The following AGBL4 variants were observed in gnomAD, a reference collection of about 807,000 sequenced individuals.
The protein encoded by AGBL4 is cytosolic carboxypeptidase 6.
AGBL4 carries 58 observed loss-of-function variants against 66.4 expected under a neutral mutation model. The observed-to-expected ratio is 0.87, with a 90% confidence interval of 0.71 to 1.09. The LOEUF (loss-of-function observed/expected upper bound fraction) is 1.09, where lower values mean the gene tolerates loss of function less well. Among genes scored for constraint, AGBL4 ranks in the 50% least tolerant of loss-of-function variants. The probability of loss-of-function intolerance (pLI) is 0.00; values close to 1 mark genes in which losing one functional copy is unlikely to be tolerated. For missense variants in AGBL4, 579 were observed against 631.0 expected, an observed-to-expected ratio of 0.92 and a Z score of 0.88; for synonymous variants, 234 against 222.9, an observed-to-expected ratio of 1.05 and a Z score of -0.44.
the AGBL4 span, among the ~76,000 whole-genome samples, chr1:48,524,203 C>T: frequency 6.6e-6 from 1 of 150,538 alleles, no homozygotes; most frequent in South Asian, 2.1e-4. Context: ...GGAATTTCAG[C>T]TCCAGGAGCA....
chr1:49,302,409 C>T (rs1644762043), intron 3 of AGBL4, among the ~76,000 whole-genome samples: 1 of 151,558 alleles, frequency 6.6e-6, no homozygotes, highest in Non-Finnish European at 1.5e-5. Context: ...TACACCACCA[C>T]ACCCAGCTAA....
intron 4 of AGBL4, among the ~76,000 whole-genome samples, chr1:49,231,924 A>G (rs184873471): frequency 6.6e-6 from 1 of 152,314 alleles, no homozygotes; most frequent in Non-Finnish European, 1.5e-5. Flanking sequence ...TTGCACAACT[A>G]TAGGCTTTTG....
intron 3 of AGBL4, among the ~76,000 whole-genome samples, chr1:49,300,631 T>C (rs534827155): frequency 1.5e-4 from 23 of 152,294 alleles, no homozygotes; most frequent in Admixed American, 7.2e-4. Flanking sequence ...TCACCCCTTC[T>C]GAACCCCCTT....
At chr1:49,615,183 T>A (rs115319323) in intron 3 of AGBL4, among the ~76,000 whole-genome samples, 1 of 152,048 alleles carries the variant, frequency 6.6e-6, no homozygotes, top group Non-Finnish European at 1.5e-5. Context: ...TAAACCTACA[T>A]AGAAGTTTGG....
chr1:49,318,538 C>G (rs1272744395), intron 3 of AGBL4, among the ~76,000 whole-genome samples: 2 of 151,922 alleles, frequency 1.3e-5, no homozygotes, highest in Admixed American at 6.6e-5. Flanking sequence ...GGGTAGGAAA[C>G]TGAGGCAGAT....
chr1:48,589,196 A>C (rs1045912385), intron 10 of AGBL4, among the ~76,000 whole-genome samples: 1 of 152,142 alleles, frequency 6.6e-6, no homozygotes, highest in Non-Finnish European at 1.5e-5. Flanking sequence ...TCTATCATTA[A>C]ATGCTGGGTG....
At chr1:49,437,416 GC>G (rs1251200270) in intron 3 of AGBL4, among the ~76,000 whole-genome samples, 1 of 152,048 alleles carries the variant, frequency 6.6e-6, no homozygotes, top group Non-Finnish European at 1.5e-5. Flanking sequence ...AATACCCCAA[GC>G]TTTTCTAAGT....
At chr1:49,620,742 C>T (rs7540606) in intron 3 of AGBL4, among the ~76,000 whole-genome samples, 14,331 of 152,130 alleles carry the variant, frequency 0.094, 904 homozygotes, top group African/African-American at 0.17. Flanking sequence ...ATAAATCACC[C>T]AGTCAAGTGC....
rs1366713698 is a variant in AGBL4, at chr1:48,867,991, T to C, written c.595-761A>G. On this transcript the variant is annotated intron_variant, in intron 5 of 13. Transcript: ENST00000371839. ...TCCTAGACTGGATGCCATGAAAACCTGAGGGTAGAGAAGTGGGTACAGGAG... is the reference window on the plus strand; with the variant it reads ...TCCTAGACTGGATGCCATGAAAACCCGAGGGTAGAGAAGTGGGTACAGGAG... Among the ~76,000 whole-genome samples, 4 of 152,266 alleles carry C rather than the reference T, an allele frequency of 2.6e-5. No homozygotes were observed. In the East Asian group the frequency reaches 5.8e-4, roughly 22 times the overall value.
At chr1:48,813,564 G>A (rs866520838) in intron 6 of AGBL4, among the ~76,000 whole-genome samples, 2 of 152,150 alleles carry the variant, frequency 1.3e-5, no homozygotes, top group Admixed American at 6.5e-5. Context: ...GAAGCCTCAC[G>A]TATTATCTCA....
At chr1:49,974,032 A>G (rs966384635) in intron 1 of AGBL4, among the ~76,000 whole-genome samples, 1 of 152,128 alleles carries the variant, frequency 6.6e-6, no homozygotes, top group Non-Finnish European at 1.5e-5. Context: ...ACTTCTGTAT[A>G]TTACTTGCAA....
chr1:49,142,360 G>A lies in AGBL4; in HGVS notation c.378-96560C>T, dbSNP rs1162998987. ...TTCTCAAAAAAAAACTCAACATATA[G>A]AGAAGAATGGCAGGATTTGGACTAA... is the stretch of plus-strand genomic sequence containing the variant. On this transcript the variant is annotated intron_variant, in intron 4 of 13. Coordinates refer to ENST00000371839, the MANE Select transcript of AGBL4 (RefSeq NM_032785.4). Among the ~76,000 whole-genome samples, 3 of 152,070 alleles carry A rather than the reference G, an allele frequency of 2.0e-5. No homozygotes were observed. In the East Asian group the frequency reaches 5.8e-4, roughly 29 times the overall value.
rs556225982 is a variant in AGBL4, at chr1:48,966,491, TACAA to T, written c.594+79089_594+79092del. On this transcript the variant is annotated intron_variant, in intron 5 of 13. Transcript: ENST00000371839. Reference sequence around the variant, plus strand: ...GGAGATTTTTTAAGATCAGAATCCATACAAACAGTCATTGAGAGTCTTAAGGGGG... The same window carrying T: ...GGAGATTTTTTAAGATCAGAATCCATACAGTCATTGAGAGTCTTAAGGGGG... 1.3e-4 allele frequency among the ~76,000 whole-genome samples: 20 copies of T among 152,188 alleles called. 1 individual carries two copies. In the South Asian group the frequency reaches 3.7e-3, roughly 28 times the overall value.
intron 6 of AGBL4, among the ~76,000 whole-genome samples, chr1:48,709,195 C>T (rs372135591): frequency 7.2e-5 from 11 of 152,318 alleles, no homozygotes; most frequent in Admixed American, 3.3e-4. Context: ...ACTTCACCTC[C>T]GCCTTTCCTT....
At chr1:49,255,165 C>T (rs1168941342) in intron 3 of AGBL4, among the ~76,000 whole-genome samples, 1 of 151,996 alleles carries the variant, frequency 6.6e-6, no homozygotes, top group Non-Finnish European at 1.5e-5. Context: ...TGATAAATGG[C>T]ATCTAATTAA....
At chr1:48,972,681 C>T (rs1183790939) in intron 5 of AGBL4, among the ~76,000 whole-genome samples, 2 of 152,130 alleles carry the variant, frequency 1.3e-5, no homozygotes, top group African/African-American at 4.8e-5. Context: ...CAGGGCTCAG[C>T]CTGAAGCCAA....
At chr1:49,361,697 A>C (rs994413609) in intron 3 of AGBL4, among the ~76,000 whole-genome samples, 1 of 151,948 alleles carries the variant, frequency 6.6e-6, no homozygotes, top group African/African-American at 2.4e-5. Context: ...AAGTTTAAAA[A>C]CCCTTTAACA....
chr1:49,434,516 G>C (rs1645856866), intron 3 of AGBL4, among the ~76,000 whole-genome samples: 1 of 152,202 alleles, frequency 6.6e-6, no homozygotes, highest in Admixed American at 6.5e-5. Flanking sequence ...ATTAAGGCTA[G>C]ATTGAGAGAA....
chr1:49,645,176 T>C (rs1645860253), intron 3 of AGBL4, among the ~76,000 whole-genome samples: 1 of 151,408 alleles, frequency 6.6e-6, no homozygotes, highest in Non-Finnish European at 1.5e-5. Flanking sequence ...TTAGCTTGCA[T>C]GGTAAGAGGT....
Sources: allele counts gnomAD v4.1 joint callset (sites outside exome capture counted in the v4.1 genomes callset), GRCh38; gene constraint gnomAD v4.1.1; transcripts MANE v1.5; gene names NCBI Gene and HGNC (gene_info 2026-07-23, HGNC 2026-07-21).